Variants in DIXDC1 observed in about 807,000 individuals in gnomAD.
DIXDC1 encodes the protein dixin.
DIXDC1 carries 64 observed loss-of-function variants against 103.1 expected under a neutral mutation model. That is an observed-to-expected ratio of 0.62 (90% CI 0.51 to 0.76). DIXDC1 has a LOEUF of 0.76. Among genes scored for constraint, DIXDC1 ranks in the 30% least tolerant of loss-of-function variants. The probability of loss-of-function intolerance (pLI) is 0.00; values close to 1 mark genes in which losing one functional copy is unlikely to be tolerated. For synonymous variants in DIXDC1, 266 were observed against 298.5 expected (o/e 0.89, Z 1.12); for missense variants, 759 against 834.2 (o/e 0.91, Z 1.11).
chr11:111,965,456 G>A (rs1156973008), intron 2 of DIXDC1, among the ~76,000 whole-genome samples: 4 of 152,116 alleles, frequency 2.6e-5, no homozygotes. Flanking sequence ...AGCTGATTTT[G>A]CTTTGAGTTC....
chr11:111,937,703 C>G, intron 1 of DIXDC1, 144 bp downstream of exon 1: 1 of 782,476 alleles, frequency 1.3e-6, no homozygotes, highest in Non-Finnish European at 2.0e-6. Flanking sequence ...TAAGGTGGTA[C>G]TTACGGTGCA....
At chr11:111,995,183 G>A (rs1860853624) in intron 15 of DIXDC1, 75 bp downstream of exon 15, 1 of 1,476,506 alleles carries the variant, frequency 6.8e-7, no homozygotes. Context: ...CATGGCCAGT[G>A]GATGAGGCCT....
intron 1 of DIXDC1, among the ~76,000 whole-genome samples, chr11:111,927,841 C>T (rs1419242406): frequency 6.6e-6 from 1 of 151,394 alleles, no homozygotes; most frequent in Non-Finnish European, 1.5e-5. Flanking sequence ...CATGGTGAAA[C>T]CCCGTCTCTA....
chr11:111,993,739 A>C lies in DIXDC1; in HGVS notation c.1436A>C (p.Glu479Ala). 1 of 1,613,892 alleles carries C rather than the reference A, an allele frequency of 6.2e-7. No individual in the cohort carries two copies. Among genetic ancestry groups the C allele is most frequent in the Non-Finnish European group, 8.5e-7 (1 of 1,179,836 alleles). Reference sequence around the variant, plus strand: ...CACTGTATGAAAAGAGAGGCAGATGAGGTAACCTAGACCCCGTGTTCTCCC... The same window carrying C: ...CACTGTATGAAAAGAGAGGCAGATGCGGTAACCTAGACCCCGTGTTCTCCC... ...LAHCMKREAD[E>A]ATNYNSHNSQ... The change falls in exon 14 of 20, where the codon GAG becomes GCG. Residue 479 changes from glutamate (E) to alanine (A), a missense_variant and splice_region_variant. Glu to Ala is a moderately radical substitution (Grantham distance 107). Around this residue, in one of 3 missense-constraint regions of DIXDC1, gnomAD observed 657 missense variants for 727.5 expected, o/e 0.90. Transcript: ENST00000440460.
chr11:111,978,737 A>C (rs1555172946), intron 5 of DIXDC1, among the ~76,000 whole-genome samples: 1 of 152,246 alleles, frequency 6.6e-6, no homozygotes, highest in Non-Finnish European at 1.5e-5. Context: ...CAGCAAAGTC[A>C]GAGGATGGAA....
rs1860510443 is a variant in DIXDC1, at chr11:111,986,902, T to C, written c.1040T>C (p.Met347Thr). The change falls in exon 9 of 20, where the codon ATG becomes ACG. Residue 347 changes from methionine (M) to threonine (T), a missense_variant. By Grantham distance (81) the Met-to-Thr change is moderately conservative. Around this residue, in one of 3 missense-constraint regions of DIXDC1, gnomAD observed 657 missense variants for 727.5 expected, o/e 0.90. Transcript: ENST00000440460. ...IIIQSRLDQS[M>T]EENQDLKKEL... Reference sequence around the variant, plus strand: ...ATCCAAAGTCGTCTGGATCAGAGTATGGAGGAGAATCAGGACTTAAAGGTA... The same window carrying C: ...ATCCAAAGTCGTCTGGATCAGAGTACGGAGGAGAATCAGGACTTAAAGGTA... 6.3e-7 allele frequency: 1 copy of C among 1,577,716 alleles called. No individual in the cohort carries two copies. The highest frequency in any genetic ancestry group is 1.3e-5 in the African/African-American group (1 of 74,372).
At chr11:111,993,850 A>G (rs1296835316) in intron 14 of DIXDC1, 110 bp downstream of exon 14, 6 of 1,222,180 alleles carry the variant, frequency 4.9e-6, no homozygotes, top group South Asian at 2.8e-5. Context: ...AGGAGGCTCT[A>G]TGATGAGCTA....
chr11:112,016,036 C>T (rs1861578911), intron 17 of DIXDC1: 1 of 151,364 alleles, frequency 6.6e-6, no homozygotes, highest in African/African-American at 2.4e-5. Flanking sequence ...TTCTTGAACT[C>T]CTGACCTCGT....
At chr11:111,999,752 C>G (rs368464998) in intron 17 of DIXDC1, among the ~76,000 whole-genome samples, 1 of 151,962 alleles carries the variant, frequency 6.6e-6, no homozygotes, top group South Asian at 2.1e-4. Context: ...GTAATCCCAG[C>G]TACTTGGGAG....
rs1861679817 is a variant in DIXDC1, at chr11:112,019,020, A to T, written c.2036A>T (p.Asp679Val). 1 of 1,613,060 alleles carries T rather than the reference A, an allele frequency of 6.2e-7. No individual in the cohort carries two copies. The highest frequency in any genetic ancestry group is 8.5e-7 in the Non-Finnish European group (1 of 1,179,290). The change falls in exon 20 of 20, where the codon GAC becomes GTC. Residue 679 changes from aspartate (D) to valine (V), a missense_variant. Around this residue, in one of 3 missense-constraint regions of DIXDC1, gnomAD observed 657 missense variants for 727.5 expected, o/e 0.90. Coordinates refer to ENST00000440460, the MANE Select transcript of DIXDC1 (RefSeq NM_001037954.4). Reference protein sequence around the residue: ...EGKIVAWVEEDHGEN With the variant: ...EGKIVAWVEEVHGEN ...AAAATTGTAGCTTGGGTGGAAGAAGACCATGGAGAGAATTAATGCCAAGTA... is the reference window on the plus strand; with the variant it reads ...AAAATTGTAGCTTGGGTGGAAGAAGTCCATGGAGAGAATTAATGCCAAGTA...
intron 14 of DIXDC1, 36 bp from the exon 15 acceptor site, chr11:111,994,982 TC>T: frequency 6.3e-7 from 1 of 1,585,606 alleles, no homozygotes; most frequent in Non-Finnish European, 8.6e-7. Flanking sequence ...TTTACAATTC[TC>T]CCTTTAACAA....
chr11:112,008,977 A>T (rs1861325970), intron 17 of DIXDC1, among the ~76,000 whole-genome samples: 1 of 152,216 alleles, frequency 6.6e-6, no homozygotes. Context: ...TGAAGGAGAT[A>T]GAGACACAAG....
intron 14 of DIXDC1, among the ~76,000 whole-genome samples, chr11:111,994,741 T>G (rs1450987503): frequency 6.6e-6 from 1 of 152,170 alleles, no homozygotes; most frequent in Non-Finnish European, 1.5e-5. Flanking sequence ...TCTCCAGTGC[T>G]GTGGCAGAGG....
Position 111,977,355 on chromosome 11 carries a change from G to T in DIXDC1, c.656+2372G>T, listed in dbSNP as rs935497725. The T allele has an allele frequency of 9.4e-7, 1 of 1,065,886 alleles. No homozygotes were observed. The highest frequency in any genetic ancestry group is 1.7e-5 in the African/African-American group (1 of 58,074). 66.0% of individuals were successfully genotyped at this position (1,065,886 alleles called of 1,614,324 possible). A position where few individuals can be genotyped will look rare whatever the true frequency, so the allele number is the denominator to read the frequency against. ...GGGATCGCCGCTGGGGACTCGAGGC[G>T]CAGCCTGCGCCGCCGGGAGCCTCCC... On this transcript the variant is annotated intron_variant, in intron 5 of 19. Transcript: ENST00000440460. The surrounding 1 kb of genome is among the most constrained non-coding windows in gnomAD (Gnocchi z 6.1).
intron 17 of DIXDC1, among the ~76,000 whole-genome samples, chr11:112,003,213 AAT>A (rs1270583120): frequency 6.6e-6 from 1 of 152,142 alleles, no homozygotes; most frequent in Non-Finnish European, 1.5e-5. Context: ...TATAGTTTGA[AAT>A]AGCTAGGCTG....
rs587615585 is a variant in DIXDC1 at position 111,929,612 on chromosome 11, T to C, written c.-36-206T>C. Among the ~76,000 whole-genome samples the C allele has an allele frequency of 5.9e-5, 9 of 151,602 alleles. No individual in the cohort carries two copies. The East Asian group carries it at 1.7e-3, about 29-fold the overall frequency. ...AAAAAAAAAAAAAAAAAAAGTAAAT[T>C]TTAAAATGCCACTGGGATAGCCCTG... On this transcript the variant is annotated intron_variant, in intron 1 of 5. Transcript: ENST00000529225.
rs114066914 is a variant in DIXDC1, at chr11:111,949,460, G to A, written c.60+11901G>A. On this transcript the variant is annotated intron_variant, in intron 1 of 19. Transcript: ENST00000440460. ...CCCTACATCCTATCAGTCATCTCTG[G>A]CTTGTTTCTGGAGTTTGTCCTTTGC... is the stretch of plus-strand genomic sequence containing the variant. Among the ~76,000 whole-genome samples the A allele has an allele frequency of 9.2e-3, 1,404 of 152,268 alleles. 12 individuals are homozygous for A. Among genetic ancestry groups the A allele is most frequent in the African/African-American group, 0.03 (1,266 of 41,558 alleles).
intron 1 of DIXDC1, among the ~76,000 whole-genome samples, chr11:111,937,799 A>G (rs1555168401): frequency 6.6e-6 from 1 of 152,360 alleles, no homozygotes. Context: ...ACCTGAGCCC[A>G]AGAGGACAGG....
intron 9 of DIXDC1, among the ~76,000 whole-genome samples, chr11:111,987,257 A>G (rs1479316914): frequency 1.3e-5 from 2 of 152,110 alleles, no homozygotes; most frequent in African/African-American, 4.8e-5. Flanking sequence ...CTCAAAAAAA[A>G]AAAACACCAT....
Sources: gnomAD v4.1 joint callset for allele counts (sites outside exome capture counted in the v4.1 genomes callset) on GRCh38, gnomAD v4.1.1 for gene constraint, gnomAD v4.1.1 regional missense constraint, Gnocchi (gnomAD v3.1) non-coding constraint, MANE v1.5 for transcripts, NCBI Gene and HGNC (gene_info 2026-07-23, HGNC 2026-07-21) for gene names.